ZSWIM5: variants seen among roughly 807,000 people sequenced by gnomAD.
The protein encoded by ZSWIM5 is zinc finger SWIM domain-containing protein 5.
In ZSWIM5, 55 loss-of-function variants were observed where a neutral mutation model predicts 119.6. The observed-to-expected ratio is 0.46, with a 90% CI of 0.37 to 0.58. ZSWIM5 has a LOEUF of 0.58. Among genes scored for constraint, ZSWIM5 ranks in the 20% least tolerant of loss-of-function variants. The pLI is 0.00. For missense variants in ZSWIM5, 1,193 were observed against 1,512.8 expected, an observed-to-expected ratio of 0.79 and a Z score of 3.51; for synonymous variants, 537 against 606.9, an observed-to-expected ratio of 0.88 and a Z score of 1.69.
In ZSWIM5 at chr1:45,018,213, G is replaced by A. The variant is rs1382537065; in HGVS notation, c.*241C>T. 8.8e-6 allele frequency: 5 copies of A among 567,894 alleles called. No homozygotes were observed. Among genetic ancestry groups the A allele is most frequent in the Non-Finnish European group, 1.6e-5 (5 of 319,942 alleles). 35.2% of individuals were successfully genotyped at this position (567,894 alleles called of 1,614,324 possible). A position where few individuals can be genotyped will look rare whatever the true frequency, so the allele number is the denominator to read the frequency against. On this transcript the variant is annotated 3_prime_UTR_variant, in exon 14 of 14. Transcript: ENST00000359600. The surrounding 1 kb of genome is among the most constrained non-coding windows in gnomAD (Gnocchi z 6.7). ...TAGGGGCATGAGGTGGCATGTTGTG[G>A]GGTTTCTGGTCGATCTGCAGGGCCC...
chr1:45,127,366 T>C lies in ZSWIM5; in HGVS notation c.596-39129A>G, dbSNP rs554090830. ...TGATACAGAGCATCTACAAAAAACC[T>C]ACAGCTAACATACTTAATGGTGAAA... On this transcript the variant is annotated intron_variant, in intron 1 of 13. Coordinates refer to ENST00000359600, the MANE Select transcript of ZSWIM5 (RefSeq NM_020883.2). Among the ~76,000 whole-genome samples, 28 of 152,006 alleles carry C rather than the reference T, an allele frequency of 1.8e-4. No homozygotes were observed. In the South Asian group the frequency reaches 4.6e-3, roughly 25 times the overall value.
intron 1 of ZSWIM5, among the ~76,000 whole-genome samples, chr1:45,146,406 T>C (rs1336100707): frequency 7.8e-6 from 1 of 128,674 alleles, no homozygotes; most frequent in African/African-American, 2.8e-5. Flanking sequence ...AAAAAAAGTA[T>C]AAAATACAAG....
chr1:45,039,072 T>C lies in ZSWIM5; in HGVS notation c.1758A>G (p.Glu586=). The change falls in exon 8 of 14, where the codon GAA becomes GAG. Residue 586 remains glutamate, a splice_region_variant and synonymous_variant. Coordinates refer to ENST00000359600, the MANE Select transcript of ZSWIM5 (RefSeq NM_020883.2). ...TGGTTGTGGTTCCTCTCTGCAACAG[T>C]TCTGGAAACAAGCAGGTTAAAATTT... ...QLEIYKHQKK[E]LLQRGTTTIT... The C allele has an allele frequency of 6.2e-7, 1 of 1,614,028 alleles. No homozygotes were observed. Among genetic ancestry groups the C allele is most frequent in the Non-Finnish European group, 8.5e-7 (1 of 1,179,936 alleles).
chr1:45,121,043 G>A lies in ZSWIM5; in HGVS notation c.596-32806C>T, dbSNP rs551623128. Among the ~76,000 whole-genome samples, 6 of 151,970 alleles carry A rather than the reference G, an allele frequency of 3.9e-5. No individual in the cohort carries two copies. In the East Asian group the frequency reaches 7.8e-4, roughly 20 times the overall value. ...CGGCTCACTGCAAGCTCCACCGCCC[G>A]GGTTCACGCCATTCTCCTGCCTTAG... On this transcript the variant is annotated intron_variant, in intron 1 of 13. Coordinates refer to ENST00000359600, the MANE Select transcript of ZSWIM5 (RefSeq NM_020883.2).
chr1:45,102,596 C>T (rs997892156), intron 1 of ZSWIM5, among the ~76,000 whole-genome samples: 2 of 152,116 alleles, frequency 1.3e-5, no homozygotes, highest in Non-Finnish European at 2.9e-5. Flanking sequence ...TCATCTCAGG[C>T]ACATGGTAAG....
intron 2 of ZSWIM5, among the ~76,000 whole-genome samples, chr1:45,061,738 G>GTTT (rs113825465): frequency 5.0e-4 from 72 of 142,580 alleles, no homozygotes; most frequent in African/African-American, 1.8e-3. Flanking sequence ...CACCTCACCA[G>GTTT]TTTTTTTTTT....
At chr1:45,056,030 A>G (rs1464787245) in intron 4 of ZSWIM5, among the ~76,000 whole-genome samples, 2 of 152,210 alleles carry the variant, frequency 1.3e-5, no homozygotes, top group African/African-American at 2.4e-5. Context: ...TTTTGAAGTA[A>G]GATAAGAACA....
At chr1:45,049,544 C>G (rs754457488) in intron 5 of ZSWIM5, among the ~76,000 whole-genome samples, 1 of 152,154 alleles carries the variant, frequency 6.6e-6, no homozygotes, top group Non-Finnish European at 1.5e-5. Context: ...CCAGGCTGGT[C>G]GCGGTGGCTC....
At chr1:45,081,046 G>A (rs17398021) in intron 2 of ZSWIM5, among the ~76,000 whole-genome samples, 2,232 of 152,240 alleles carry the variant, frequency 0.015, 58 homozygotes, top group Admixed American at 0.051. Context: ...GCTGTTTTAG[G>A]TTTGTTTTGG....
chr1:45,143,822 A>T (rs889301112), intron 1 of ZSWIM5, among the ~76,000 whole-genome samples: 8 of 152,302 alleles, frequency 5.3e-5, no homozygotes, highest in African/African-American at 1.9e-4. Flanking sequence ...AGATCATCAT[A>T]AAAAAACCAA....
At chr1:45,092,546 C>CA (rs1553193681) in intron 1 of ZSWIM5, among the ~76,000 whole-genome samples, 8 of 98,390 alleles carry the variant, frequency 8.1e-5, no homozygotes, top group African/African-American at 2.2e-4. Context: ...CCACCCCCCC[C>CA]CCCCCGCCAG....
At chr1:45,053,790 C>T (rs1310812865) in intron 4 of ZSWIM5, among the ~76,000 whole-genome samples, 1 of 146,866 alleles carries the variant, frequency 6.8e-6, no homozygotes. Context: ...AAAAGGATCC[C>T]TAGAAAGTGA....
At chr1:45,204,940 G>C (rs1467838361) in intron 1 of ZSWIM5, among the ~76,000 whole-genome samples, 3 of 152,156 alleles carry the variant, frequency 2.0e-5, no homozygotes, top group South Asian at 2.1e-4. Context: ...TTAACAAACT[G>C]ACTAGAAGCT....
In ZSWIM5 at chr1:45,041,844, G is replaced by A. The variant is rs77172367; in HGVS notation, c.1610-1306C>T. Among the ~76,000 whole-genome samples, 1,358 of 152,272 alleles carry A rather than the reference G, an allele frequency of 8.9e-3. 10 individuals are homozygous for A. The highest frequency in any genetic ancestry group is 0.013 in the Non-Finnish European group (918 of 68,018). Reference sequence around the variant, plus strand: ...TGAGCCACTGCGCCCAGCCTAGTAAGTTTTTACTAAAAATGGGATGGTATT... The same window carrying A: ...TGAGCCACTGCGCCCAGCCTAGTAAATTTTTACTAAAAATGGGATGGTATT... On this transcript the variant is annotated intron_variant, in intron 6 of 13. Coordinates refer to ENST00000359600, the MANE Select transcript of ZSWIM5 (RefSeq NM_020883.2).
chr1:45,130,548 A>C (rs1453577330), intron 1 of ZSWIM5, among the ~76,000 whole-genome samples: 2 of 152,136 alleles, frequency 1.3e-5, no homozygotes, highest in Admixed American at 1.3e-4. Flanking sequence ...ATATCACAAC[A>C]CACCTATCAG....
intron 1 of ZSWIM5, among the ~76,000 whole-genome samples, chr1:45,115,500 G>C (rs1360197788): frequency 6.6e-6 from 1 of 151,804 alleles, no homozygotes; most frequent in African/African-American, 2.4e-5. Flanking sequence ...TTCCCAGACG[G>C]GGTCGCGGCC....
chr1:45,031,406 A>T (rs1323993864), intron 11 of ZSWIM5, among the ~76,000 whole-genome samples: 1 of 149,936 alleles, frequency 6.7e-6, no homozygotes, highest in Non-Finnish European at 1.5e-5. Context: ...CTGGTCTCGA[A>T]CTCCTGGCTT....
intron 9 of ZSWIM5, 46 bp from the exon 10 acceptor site, chr1:45,035,869 C>G (rs1644980239): frequency 6.2e-7 from 1 of 1,604,242 alleles, no homozygotes; most frequent in African/African-American, 1.3e-5. Flanking sequence ...ATGCTTCCAT[C>G]TGCCAGCCTG....
chr1:45,099,323 C>T (rs536581045), intron 1 of ZSWIM5, among the ~76,000 whole-genome samples: 1 of 152,298 alleles, frequency 6.6e-6, no homozygotes, highest in African/African-American at 2.4e-5. Context: ...TTCCTGGACA[C>T]ATACACCTTC....
Sources: gnomAD v4.1 joint callset for allele counts (sites outside exome capture counted in the v4.1 genomes callset) on GRCh38, gnomAD v4.1.1 for gene constraint, Gnocchi (gnomAD v3.1) non-coding constraint, MANE v1.5 for transcripts, NCBI Gene and HGNC (gene_info 2026-07-23, HGNC 2026-07-21) for gene names.